The following SNAP47 variants were observed in gnomAD, a reference collection of about 807,000 sequenced individuals.
The protein encoded by SNAP47 is synaptosome associated protein 47, also known as synaptosomal-associated protein 47.
Under a neutral mutation model 31.4 loss-of-function variants are expected in SNAP47, and 20 were observed. The observed-to-expected ratio is 0.64, with a 90% CI of 0.45 to 0.93. SNAP47 has a LOEUF of 0.93. Among genes scored for constraint, SNAP47 ranks in the 40% least tolerant of loss-of-function variants. The pLI is 0.00. For missense variants in SNAP47, 492 were observed against 528.5 expected, an observed-to-expected ratio of 0.93 and a Z score of 0.68; for synonymous variants, 194 against 213.4, an observed-to-expected ratio of 0.91 and a Z score of 0.79.
chr1:227,768,440 CA>C (rs1663577874), intron 4 of SNAP47: 1 of 494,316 alleles, frequency 2.0e-6, no homozygotes, highest in East Asian at 1.5e-4. Flanking sequence ...CCATGTCCAC[CA>C]GGAGGTGGAT....
chr1:227,734,044 G>A (rs758824497), upstream of SNAP47: 2 of 1,611,232 alleles, frequency 1.2e-6, no homozygotes. Context: ...TGTGAGGAGG[G>A]CGCAAGGGCA....
upstream of SNAP47, chr1:227,731,286 G>C (rs896852726): frequency 1.3e-5 from 2 of 152,354 alleles, no homozygotes; most frequent in Non-Finnish European, 2.9e-5. Flanking sequence ...GAACAGAGCA[G>C]ACAGAAACCC....
chr1:227,735,033 C>G, upstream of SNAP47: 1 of 1,550,940 alleles, frequency 6.4e-7, no homozygotes, highest in South Asian at 1.2e-5. Context: ...AGCAGGTGGT[C>G]GAAGTCGGGC....
At chr1:227,745,969 G>T (rs559997718) in intron 1 of SNAP47, 1 of 152,264 alleles carries the variant, frequency 6.6e-6, no homozygotes, top group Non-Finnish European at 1.5e-5. Flanking sequence ...GTCTCATCCT[G>T]TCTAGGCTTC....
chr1:227,758,746 C>A (rs1290567866), intron 2 of SNAP47, among the ~76,000 whole-genome samples: 1 of 152,144 alleles, frequency 6.6e-6, no homozygotes, highest in African/African-American at 2.4e-5. Flanking sequence ...AGAAGGTGTG[C>A]ATTTTTGCTG....
Position 227,744,946 on chromosome 1 carries a change from CCCA to C in SNAP47, c.-45-2744_-45-2742del, listed in dbSNP as rs1270990857. ...GGAGGGGCTCGCTCACTTGCCTGAG[CCCA>C]CAGCCTTGGGTGGAGCTGGTTGCCC... is the stretch of plus-strand genomic sequence containing the variant. On this transcript the variant is annotated intron_variant, in intron 1 of 4. Transcript: ENST00000617596. Among the ~76,000 whole-genome samples the C allele has an allele frequency of 7.2e-5, 11 of 152,300 alleles. No homozygotes were observed. The East Asian group carries it at 2.1e-3, about 29-fold the overall frequency.
At chr1:227,775,040 G>A (rs1031997475) in intron 4 of SNAP47, among the ~76,000 whole-genome samples, 1 of 152,186 alleles carries the variant, frequency 6.6e-6, no homozygotes, top group African/African-American at 2.4e-5. Flanking sequence ...TCATTGCCTC[G>A]ACCCACCGCC....
intron 2 of SNAP47, among the ~76,000 whole-genome samples, chr1:227,752,086 A>T (rs1293591394): frequency 1.3e-5 from 2 of 151,956 alleles, no homozygotes; most frequent in Non-Finnish European, 2.9e-5. Context: ...TTTAAGTATA[A>T]TTATTTTTTG....
At chr1:227,729,240 G>A (rs1018204212) in intron 1 of SNAP47, among the ~76,000 whole-genome samples, 6 of 152,190 alleles carry the variant, frequency 3.9e-5, no homozygotes, top group African/African-American at 7.2e-5. Flanking sequence ...CCCCAGGCAG[G>A]AGTGAGAGGC....
chr1:227,740,952 G>T (rs934947018), intron 1 of SNAP47, among the ~76,000 whole-genome samples: 11 of 145,896 alleles, frequency 7.5e-5, no homozygotes, highest in African/African-American at 3.0e-4. Context: ...GATGCCCAGC[G>T]GGTGACAGGA....
At chr1:227,770,404 CTTTG>C (rs1484710629) in intron 4 of SNAP47, among the ~76,000 whole-genome samples, 3 of 152,126 alleles carry the variant, frequency 2.0e-5, no homozygotes, top group South Asian at 2.1e-4. Flanking sequence ...GTCCTCACGT[CTTTG>C]TTTGGCAGAA....
upstream of SNAP47, chr1:227,734,475 A>G: frequency 1.8e-6 from 1 of 568,530 alleles, no homozygotes; most frequent in African/African-American, 1.9e-5. Flanking sequence ...TGACCTCCCA[A>G]AGAACAACAC....
intron 1 of SNAP47, among the ~76,000 whole-genome samples, chr1:227,738,832 C>A (rs1217619317): frequency 6.6e-6 from 1 of 152,154 alleles, no homozygotes; most frequent in African/African-American, 2.4e-5. Flanking sequence ...GGAGTTCCTG[C>A]AGCTCCGTGG....
In SNAP47 at chr1:227,741,453, TGTAA is replaced by T. The variant is rs1203826911; in HGVS notation, c.-46+5957_-46+5960del. On this transcript the variant is annotated intron_variant, in intron 1 of 4. Coordinates refer to ENST00000617596, the MANE Select transcript of SNAP47 (RefSeq NM_053052.4). This position sits in a 1 kb window ranked among gnomAD's most constrained non-coding sequence, Gnocchi z 4.2. ...GGGCCAGGTCCAGCTACCACATTTT[TGTAA>T]GTGAGGTCCTGTGGGGTGGCACACC... Among the ~76,000 whole-genome samples, 2 of 152,178 alleles carry T rather than the reference TGTAA, an allele frequency of 1.3e-5. No homozygotes were observed. The highest frequency in any genetic ancestry group is 4.8e-5 in the African/African-American group (2 of 41,428).
upstream of SNAP47, chr1:227,734,697 A>G (rs768743789): frequency 1.8e-5 from 29 of 1,613,998 alleles, no homozygotes; most frequent in Middle Eastern, 1.6e-4. Context: ...CTGGGAGAGG[A>G]GTAGCCCGCC....
chr1:227,734,842 C>T, upstream of SNAP47: 1 of 1,612,740 alleles, frequency 6.2e-7, no homozygotes, highest in Non-Finnish European at 8.5e-7. Context: ...CGGTCCATGC[C>T]ATCTCCCTGG....
rs561753546 is a variant in SNAP47, at chr1:227,741,556, C to T, written c.-46+6057C>T. ...CTGTGTAGTGGTGACGGAGACCATGCGTGGTCCTTCACGGAGAGTGCAGTG... is the reference window on the plus strand; with the variant it reads ...CTGTGTAGTGGTGACGGAGACCATGTGTGGTCCTTCACGGAGAGTGCAGTG... On this transcript the variant is annotated intron_variant, in intron 1 of 4. Coordinates refer to ENST00000617596, the MANE Select transcript of SNAP47 (RefSeq NM_053052.4). The surrounding 1 kb of genome is among the most constrained non-coding windows in gnomAD (Gnocchi z 4.2). Among the ~76,000 whole-genome samples, 86 of 152,264 alleles carry T rather than the reference C, an allele frequency of 5.6e-4. No individual in the cohort carries two copies. The highest frequency in any genetic ancestry group is 1.9e-3 in the African/African-American group (80 of 41,536).
intron 4 of SNAP47, among the ~76,000 whole-genome samples, chr1:227,771,654 GCCCACCCCCACC>G (rs1244675213): frequency 9.0e-5 from 5 of 55,488 alleles, no homozygotes; most frequent in African/African-American, 2.8e-4. Flanking sequence ...TGTGCACCCC[GCCCACCCCCACC>G]CCCACCCCCA....
upstream of SNAP47, chr1:227,732,782 A>G: frequency 3.1e-6 from 5 of 1,591,608 alleles, no homozygotes; most frequent in Non-Finnish European, 4.3e-6. Flanking sequence ...GACCATTAAG[A>G]CAGAGGCACT....
Sources: gnomAD v4.1 joint callset for allele counts (sites outside exome capture counted in the v4.1 genomes callset) on GRCh38, gnomAD v4.1.1 for gene constraint, Gnocchi (gnomAD v3.1) non-coding constraint, MANE v1.5 for transcripts, NCBI Gene and HGNC (gene_info 2026-07-23, HGNC 2026-07-21) for gene names.